PTPN4: variants seen among roughly 807,000 people sequenced by gnomAD.
PTPN4 encodes tyrosine-protein phosphatase non-receptor type 4.
In PTPN4, 49 loss-of-function variants were observed where a neutral mutation model predicts 135.5. The ratio of observed to expected loss-of-function variants is 0.36; its 90% CI spans 0.29 to 0.46. PTPN4 has a LOEUF of 0.46. PTPN4 is among the 20% of genes least tolerant of loss of function. PTPN4 has a pLI of 1.00. For missense variants in PTPN4, 860 were observed against 1,101.0 expected (o/e 0.78, Z 3.10); for synonymous variants, 333 against 369.9 (o/e 0.90, Z 1.14).
chr2:119,977,574 T>A lies in PTPN4; in HGVS notation c.*504T>A, dbSNP rs1679635678. On this transcript the variant is annotated 3_prime_UTR_variant, in exon 27 of 27. Coordinates refer to ENST00000263708, the MANE Select transcript of PTPN4 (RefSeq NM_002830.4). ...ATACACTGCCTATGGATGCAGCACA[T>A]TTTTCCCTGCACACCCCCTGTAGAG... 1 of 152,370 alleles carries A rather than the reference T, an allele frequency of 6.6e-6. No homozygotes were observed. Among genetic ancestry groups the A allele is most frequent in the Non-Finnish European group, 1.5e-5 (1 of 68,102 alleles). 9.4% of individuals were successfully genotyped at this position (152,370 alleles called of 1,614,324 possible).
At chr2:119,762,738 C>T (rs1690532379) in intron 1 of PTPN4, among the ~76,000 whole-genome samples, 1 of 151,998 alleles carries the variant, frequency 6.6e-6, no homozygotes, top group East Asian at 1.9e-4. Flanking sequence ...TGATCAACTC[C>T]CTAGGAATGG....
intron 3 of PTPN4, among the ~76,000 whole-genome samples, chr2:119,872,693 A>G (rs72836858): frequency 0.024 from 3,663 of 152,108 alleles, 65 homozygotes; most frequent in Non-Finnish European, 0.033. Flanking sequence ...TCTTGAGGTG[A>G]TATGTTTCAT....
At chr2:119,829,804 T>C (rs1677194298) in intron 2 of PTPN4, among the ~76,000 whole-genome samples, 1 of 152,204 alleles carries the variant, frequency 6.6e-6, no homozygotes, top group Non-Finnish European at 1.5e-5. Flanking sequence ...GTTCAAGTCT[T>C]TGTTTTCAAT....
At chr2:119,922,310 G>A (rs1291446424) in intron 12 of PTPN4, among the ~76,000 whole-genome samples, 1 of 151,572 alleles carries the variant, frequency 6.6e-6, no homozygotes, top group African/African-American at 2.4e-5. Context: ...GATTGGCCTA[G>A]TATTGACAAA....
In PTPN4 at chr2:119,980,161, A is replaced by C. The variant is rs562254272; in HGVS notation, c.*3091A>C. 3 of 152,234 alleles carry C rather than the reference A, an allele frequency of 2.0e-5. No individual in the cohort carries two copies. The South Asian group carries it at 6.2e-4, about 32-fold the overall frequency. 9.4% of individuals were successfully genotyped at this position (152,234 alleles called of 1,614,324 possible). On this transcript the variant is annotated 3_prime_UTR_variant, in exon 27 of 27. Transcript: ENST00000263708. ...CAAGAGTAAAGGGAACATTTATTAC[A>C]TGAAATCTGACTTCAGTTGTGCAAA... is the stretch of plus-strand genomic sequence containing the variant.
intron 8 of PTPN4, among the ~76,000 whole-genome samples, chr2:119,883,335 A>G (rs1029415275): frequency 6.6e-6 from 1 of 152,196 alleles, no homozygotes; most frequent in African/African-American, 2.4e-5. Flanking sequence ...ATATGCAAAT[A>G]TTTCAAAACT....
chr2:119,895,982 G>T (rs1678318354), intron 9 of PTPN4, among the ~76,000 whole-genome samples: 1 of 151,468 alleles, frequency 6.6e-6, no homozygotes, highest in South Asian at 2.1e-4. Context: ...GAACAATTAG[G>T]GTATGTGCAG....
intron 1 of PTPN4, among the ~76,000 whole-genome samples, chr2:119,792,204 G>A (rs975295853): frequency 2.0e-5 from 3 of 152,126 alleles, no homozygotes; most frequent in Non-Finnish European, 2.9e-5. Context: ...ATTATAAAGT[G>A]CTTTCTTTTA....
intron 2 of PTPN4, among the ~76,000 whole-genome samples, chr2:119,840,310 G>A (rs181001019): frequency 6.6e-6 from 1 of 152,248 alleles, no homozygotes; most frequent in African/African-American, 2.4e-5. Context: ...CCTTCCTTGT[G>A]TCCCTGTGTT....
intron 1 of PTPN4, among the ~76,000 whole-genome samples, chr2:119,788,755 T>A (rs1361745118): frequency 6.6e-6 from 1 of 152,224 alleles, no homozygotes; most frequent in Non-Finnish European, 1.5e-5. Flanking sequence ...TGTGTCAGAA[T>A]TGCCTACCTA....
chr2:119,828,263 CTT>C (rs1677173543), intron 2 of PTPN4, among the ~76,000 whole-genome samples: 1 of 152,230 alleles, frequency 6.6e-6, no homozygotes, highest in Admixed American at 6.5e-5. Flanking sequence ...CTTCTGATGA[CTT>C]TACTATCTGC....
At chr2:119,825,855 A>G (rs569077746) in intron 2 of PTPN4, among the ~76,000 whole-genome samples, 5 of 152,272 alleles carry the variant, frequency 3.3e-5, no homozygotes, top group South Asian at 2.1e-4. Context: ...TCTGCTATCA[A>G]TTGGATGGTC....
At chr2:119,921,353 G>A (rs1362033384) in intron 12 of PTPN4, among the ~76,000 whole-genome samples, 1 of 152,136 alleles carries the variant, frequency 6.6e-6, no homozygotes, top group Non-Finnish European at 1.5e-5. Context: ...CATGTTATAT[G>A]TTCATGAGAA....
intron 2 of PTPN4, among the ~76,000 whole-genome samples, chr2:119,832,793 T>C (rs2104964209): frequency 6.6e-6 from 1 of 152,268 alleles, no homozygotes; most frequent in South Asian, 2.1e-4. Flanking sequence ...TATTTGAGGT[T>C]TTTGCATCTC....
chr2:119,868,970 C>T (rs1367530087), intron 3 of PTPN4, among the ~76,000 whole-genome samples: 1 of 152,110 alleles, frequency 6.6e-6, no homozygotes, highest in Non-Finnish European at 1.5e-5. Context: ...TCGGCATATA[C>T]CACTGAGAAA....
At chr2:119,956,237 A>ATTTTTTTTTTTTTTTTTTTTTTTTTTTT in intron 20 of PTPN4, among the ~76,000 whole-genome samples, 1 of 101,042 alleles carries the variant, frequency 9.9e-6, no homozygotes, top group Non-Finnish European at 1.9e-5. Context: ...ATAAACCTGA[A>ATTTTTTTTTTTTTTTTTTTTTTTTTTTT]TTTTTTTTTT....
intron 2 of PTPN4, among the ~76,000 whole-genome samples, chr2:119,856,203 C>G (rs1052529330): frequency 1.2e-4 from 19 of 152,290 alleles, no homozygotes; most frequent in African/African-American, 4.3e-4. Context: ...GAAAGCCCCC[C>G]ATTAGGGCTT....
At chr2:119,921,801 CT>C (rs768997195) in intron 12 of PTPN4, among the ~76,000 whole-genome samples, 5 of 152,122 alleles carry the variant, frequency 3.3e-5, no homozygotes, top group Non-Finnish European at 5.9e-5. Flanking sequence ...ATCTCCACGG[CT>C]TTATGTGAAA....
At chr2:119,807,313 A>C (rs895849585) in intron 1 of PTPN4, among the ~76,000 whole-genome samples, 14 of 152,302 alleles carry the variant, frequency 9.2e-5, no homozygotes, top group Middle Eastern at 6.8e-3. Flanking sequence ...AAGATCAACA[A>C]ATTGATAGAC....
Sources: allele counts gnomAD v4.1 joint callset (sites outside exome capture counted in the v4.1 genomes callset), GRCh38; gene constraint gnomAD v4.1.1; transcripts MANE v1.5; gene names NCBI Gene and HGNC (gene_info 2026-07-23, HGNC 2026-07-21).